Variants in MYO6 observed in about 807,000 individuals in gnomAD.
MYO6 encodes myosin VI, also known as unconventional myosin-VI.
Under a neutral mutation model 178.7 loss-of-function variants are expected in MYO6, and 74 were observed. The ratio of observed to expected loss-of-function variants is 0.41; its 90% CI spans 0.34 to 0.50. The LOEUF is 0.50. Ranked by LOEUF, MYO6 falls within the 20% of genes least tolerant of loss-of-function variation. The pLI, the probability that MYO6 is intolerant of heterozygous loss-of-function variation, is 0.09. For missense variants in MYO6, 1,330 were observed against 1,547.4 expected (o/e 0.86, Z 2.36); for synonymous variants, 477 against 504.6 (o/e 0.95, Z 0.73).
At position 75,827,503 on chromosome 6, in the gene MYO6, G is replaced by A. The variant is rs1030497085; in HGVS notation, c.188-1037G>A. Among the ~76,000 whole-genome samples, 4 of 152,160 alleles carry A rather than the reference G, an allele frequency of 2.6e-5. No homozygotes were observed. In the East Asian group the frequency reaches 5.8e-4, roughly 22 times the overall value. On this transcript the variant is annotated intron_variant, in intron 3 of 34. Coordinates refer to ENST00000369977, the MANE Select transcript of MYO6 (RefSeq NM_004999.4). ...TGGATGTTGATAGAGACCCAGTGAT[G>A]ATTTTATGGGGAGAGAGATTTGATG...
chr6:75,906,409 C>T (rs1264770811), intron 30 of MYO6, among the ~76,000 whole-genome samples: 1 of 152,166 alleles, frequency 6.6e-6, no homozygotes, highest in Non-Finnish European at 1.5e-5. Flanking sequence ...GGTGTGGTGG[C>T]TCACGCCTGT....
intron 16 of MYO6, among the ~76,000 whole-genome samples, chr6:75,863,675 G>A (rs1007470918): frequency 2.6e-5 from 4 of 151,934 alleles, no homozygotes; most frequent in Admixed American, 2.6e-4. Flanking sequence ...TAGTAGAGAC[G>A]GGGTTTCACC....
intron 18 of MYO6, 53 bp from the exon 19 acceptor site, chr6:75,870,594 C>T (rs1777066481): frequency 5.0e-6 from 7 of 1,388,730 alleles, no homozygotes; most frequent in Non-Finnish European, 7.2e-6. Context: ...TAACTCATGA[C>T]ACTGTGTACT....
At chr6:75,905,280 T>C (rs6921523) in intron 30 of MYO6, among the ~76,000 whole-genome samples, 129,817 of 152,180 alleles carry the variant, frequency 0.85, 56,368 homozygotes, top group Non-Finnish European at 0.92. Context: ...GCTTTGTTTA[T>C]CTAAGCAAGC....
intron 1 of MYO6, among the ~76,000 whole-genome samples, chr6:75,758,520 T>G (rs956376955): frequency 1.8e-4 from 28 of 151,578 alleles, no homozygotes; most frequent in African/African-American, 2.9e-4. Context: ...GAGTGCAGTG[T>G]TGCCATCTCA....
chr6:75,884,522 A>G (rs1334499715), intron 23 of MYO6, among the ~76,000 whole-genome samples: 3 of 152,230 alleles, frequency 2.0e-5, no homozygotes, highest in Non-Finnish European at 4.4e-5. Flanking sequence ...CTTGCCCACT[A>G]CCCAGACAGA....
At position 75,852,649 on chromosome 6, in the gene MYO6, G is replaced by A. The variant is rs187410000; in HGVS notation, c.1079-2490G>A. Among the ~76,000 whole-genome samples, 14 of 152,200 alleles carry A rather than the reference G, an allele frequency of 9.2e-5. 1 individual carries two copies. Among genetic ancestry groups the A allele is most frequent in the African/African-American group, 3.4e-4 (14 of 41,524 alleles). ...TTTCACTTAGCATAATGTTTTCAAG[G>A]TTAATCCATGTTATAGCATTTAGCA... On this transcript the variant is annotated intron_variant, in intron 11 of 34. Transcript: ENST00000369977.
chr6:75,817,498 C>G lies in MYO6; in HGVS notation c.-47-3C>G, dbSNP rs781619304. 1.8e-5 allele frequency: 24 copies of G among 1,366,502 alleles called. No homozygotes were observed. In the Admixed American group the frequency reaches 3.7e-4, roughly 21 times the overall value. 84.6% of individuals were successfully genotyped at this position (1,366,502 alleles called of 1,614,324 possible). On this transcript the variant is annotated splice_polypyrimidine_tract_variant and splice_region_variant and intron_variant, in intron 1 of 34. Transcript: ENST00000369977. ...TGTTGCTGTATTTGTTCCTTTGAAA[C>G]AGGTGACAGTGGATAGTGGAAACAG... is the stretch of plus-strand genomic sequence containing the variant.
In MYO6 at chr6:75,840,579, C is replaced by A; in HGVS notation, c.554-6C>A. ...TTTTTTGATGGATTTTTTTGTTTCT[C>A]AATAGCTAACCCACTCCTAGAAGCC... On this transcript the variant is annotated splice_region_variant and splice_polypyrimidine_tract_variant and intron_variant, in intron 7 of 34. Coordinates refer to ENST00000369977, the MANE Select transcript of MYO6 (RefSeq NM_004999.4). 1 of 1,608,864 alleles carries A rather than the reference C, an allele frequency of 6.2e-7. No homozygotes were observed. The highest frequency in any genetic ancestry group is 8.5e-7 in the Non-Finnish European group (1 of 1,175,534).
chr6:75,835,651 C>T (rs1773569484), intron 6 of MYO6, among the ~76,000 whole-genome samples: 4 of 151,992 alleles, frequency 2.6e-5, no homozygotes, highest in South Asian at 2.1e-4. Context: ...AGGCTGGTCT[C>T]GAACTCCTGA....
chr6:75,895,383 A>G, intron 29 of MYO6, 123 bp downstream of exon 29: 1 of 785,598 alleles, frequency 1.3e-6, no homozygotes. Context: ...AACCTTTTTC[A>G]TATTTTTCTT....
chr6:75,870,044 G>A (rs935338423), intron 18 of MYO6, among the ~76,000 whole-genome samples: 2 of 151,956 alleles, frequency 1.3e-5, no homozygotes, highest in African/African-American at 2.4e-5. Flanking sequence ...AACCCGGGAG[G>A]TGGAGCTTGC....
chr6:75,850,152 C>T (rs1326973745), intron 11 of MYO6, among the ~76,000 whole-genome samples: 1 of 151,958 alleles, frequency 6.6e-6, no homozygotes, highest in Non-Finnish European at 1.5e-5. Flanking sequence ...AGTCCTGATA[C>T]AGGAAATGAG....
chr6:75,838,903 G>A (rs561488877), intron 7 of MYO6, among the ~76,000 whole-genome samples: 4 of 151,840 alleles, frequency 2.6e-5, no homozygotes, highest in East Asian at 1.9e-4. Context: ...CCCATGATCC[G>A]CCCACCTCGG....
At chr6:75,753,204 G>A (rs1777043940) in intron 1 of MYO6, among the ~76,000 whole-genome samples, 1 of 152,018 alleles carries the variant, frequency 6.6e-6, no homozygotes, top group South Asian at 2.1e-4. Context: ...AGGCTGAGTT[G>A]GGTGGCTACC....
chr6:75,758,129 C>A (rs979133560), intron 1 of MYO6, among the ~76,000 whole-genome samples: 1 of 151,820 alleles, frequency 6.6e-6, no homozygotes, highest in Non-Finnish European at 1.5e-5. Context: ...AGGCACGTGC[C>A]ACCATGCCCA....
rs779606468 is a variant in MYO6, at chr6:75,857,062, T to A, written c.1224-35T>A. 6 of 1,609,122 alleles carry A rather than the reference T, an allele frequency of 3.7e-6. No homozygotes were observed. The East Asian group carries it at 1.3e-4, about 36-fold the overall frequency. ...GTGGCATTTTCACAGTGCACTATTATAAAGAATTTTTACTAGCATAGTTTT... is the reference window on the plus strand; with the variant it reads ...GTGGCATTTTCACAGTGCACTATTAAAAAGAATTTTTACTAGCATAGTTTT... On this transcript the variant is annotated intron_variant, in intron 12 of 34. Coordinates refer to ENST00000369977, the MANE Select transcript of MYO6 (RefSeq NM_004999.4).
At chr6:75,844,792 T>G (rs1774570203) in intron 9 of MYO6, 105 bp from the exon 10 acceptor site, 2 of 870,226 alleles carry the variant, frequency 2.3e-6, no homozygotes, top group South Asian at 2.8e-5. Context: ...CAAGTTGTGT[T>G]TAGAAATTCT....
chr6:75,904,729 G>T lies in MYO6; in HGVS notation c.3177-2876G>T, dbSNP rs188343599. Among the ~76,000 whole-genome samples, 749 of 152,258 alleles carry T rather than the reference G, an allele frequency of 4.9e-3. 11 individuals carry two copies. Among genetic ancestry groups the T allele is most frequent in the African/African-American group, 0.017 (708 of 41,544 alleles). ...GTCTGAAGCCTTCTTCTCTCAGCTC[G>T]TCAAAGTCATTCTCCGTCCAGCTTT... On this transcript the variant is annotated intron_variant, in intron 30 of 34. Coordinates refer to ENST00000369977, the MANE Select transcript of MYO6 (RefSeq NM_004999.4).
Sources: allele counts gnomAD v4.1 joint callset (sites outside exome capture counted in the v4.1 genomes callset), GRCh38; gene constraint gnomAD v4.1.1; transcripts MANE v1.5; gene names NCBI Gene and HGNC (gene_info 2026-07-23, HGNC 2026-07-21).